The following DMD variants were observed in gnomAD, a reference collection of about 807,000 sequenced individuals.
DMD encodes the protein mutant dystrophin.
Under a neutral mutation model 330.1 loss-of-function variants are expected in DMD, and 63 were observed. The ratio of observed to expected loss-of-function variants is 0.19; its 90% CI spans 0.16 to 0.24. DMD has a LOEUF of 0.24. Among genes scored for constraint, DMD ranks in the 10% least tolerant of loss-of-function variants. The probability of loss-of-function intolerance (pLI) is 1.00; values close to 1 mark genes in which losing one functional copy is unlikely to be tolerated. For missense variants in DMD, 3,344 were observed against 2,684.1 expected, an observed-to-expected ratio of 1.25 and a Z score of -5.43; for synonymous variants, 1,223 against 959.8, an observed-to-expected ratio of 1.27 and a Z score of -5.07.
At chrX:31,797,169 G>C (rs766311378) in intron 50 of DMD, among the ~76,000 whole-genome samples, 1 of 111,972 alleles carries the variant, frequency 8.9e-6, no homozygotes, top group Non-Finnish European at 1.9e-5. Context: ...GTACAGGATA[G>C]GTGATGGCCA....
intron 9 of DMD, among the ~76,000 whole-genome samples, chrX:32,660,634 T>C (rs954948456): frequency 9.0e-6 from 1 of 111,527 alleles, no homozygotes. Flanking sequence ...TCTTTCTTAA[T>C]ATTGTTAATA....
At chrX:32,023,752 A>G (rs1048515652) in intron 44 of DMD, among the ~76,000 whole-genome samples, 2 of 112,013 alleles carry the variant, frequency 1.8e-5, no homozygotes, top group Non-Finnish European at 3.8e-5. Flanking sequence ...AATACTACAC[A>G]GCCATAAAAA....
At chrX:32,837,421 T>C (rs1047850415) in intron 4 of DMD, among the ~76,000 whole-genome samples, 1 of 111,398 alleles carries the variant, frequency 9.0e-6, no homozygotes, top group African/African-American at 3.3e-5. Flanking sequence ...ACAGCATTCT[T>C]TAGATACCTA....
chrX:31,724,734 T>C (rs1296273387), intron 52 of DMD, among the ~76,000 whole-genome samples: 1 of 112,151 alleles, frequency 8.9e-6, no homozygotes, highest in East Asian at 2.8e-4. Context: ...TTAATGAGCA[T>C]CTAATATGTG....
intron 44 of DMD, among the ~76,000 whole-genome samples, chrX:32,088,677 AGTGTGTGTGTGT>A (rs34596391): frequency 1.0e-5 from 1 of 97,400 alleles, no homozygotes; most frequent in African/African-American, 3.8e-5. Flanking sequence ...ATAGCTCTGA[AGTGTGTGTGTGT>A]GTGTGTGTGT....
chrX:32,834,114 G>T (rs769232685), intron 4 of DMD, among the ~76,000 whole-genome samples: 6 of 111,391 alleles, frequency 5.4e-5, no homozygotes, highest in Non-Finnish European at 1.1e-4. Context: ...AGATGATAAA[G>T]TGAGTCAAAG....
chrX:33,194,655 T>C (rs2050830192), intron 1 of DMD, among the ~76,000 whole-genome samples: 1 of 111,000 alleles, frequency 9.0e-6, no homozygotes, highest in African/African-American at 3.3e-5. Flanking sequence ...ACTATGGTCT[T>C]ATTAGTTTAC....
intron 1 of DMD, among the ~76,000 whole-genome samples, chrX:33,173,385 T>C (rs1024400987): frequency 1.8e-5 from 2 of 111,902 alleles, no homozygotes; most frequent in Non-Finnish European, 3.8e-5. Flanking sequence ...ATCAAAAGGG[T>C]AGTTGTTTGT....
intron 7 of DMD, among the ~76,000 whole-genome samples, chrX:32,713,463 A>G (rs1283137300): frequency 9.0e-6 from 1 of 111,421 alleles, no homozygotes; most frequent in South Asian, 3.7e-4. Flanking sequence ...ATAATGTAGT[A>G]TCTGAGTTCT....
intron 60 of DMD, among the ~76,000 whole-genome samples, chrX:31,413,330 T>C (rs1207512660): frequency 8.9e-6 from 1 of 112,606 alleles, no homozygotes; most frequent in Non-Finnish European, 1.9e-5. Flanking sequence ...CCTATATTTG[T>C]ACAAAAGACT....
chrX:32,581,980 A>G, intron 13 of DMD, among the ~76,000 whole-genome samples: 1 of 112,114 alleles, frequency 8.9e-6, no homozygotes, highest in Middle Eastern at 4.7e-3. Flanking sequence ...GGAAAAATAT[A>G]TGATAAAATT....
At chrX:31,178,542 G>A in intron 70 of DMD, 127 bp downstream of exon 70, 1 of 1,036,632 alleles carries the variant, frequency 9.6e-7, no homozygotes, top group Non-Finnish European at 1.2e-6. Context: ...TCTCTTTTCA[G>A]CTAATGTAAA....
intron 44 of DMD, among the ~76,000 whole-genome samples, chrX:32,210,351 A>C (rs1441657882): frequency 9.0e-6 from 1 of 111,669 alleles, no homozygotes; most frequent in Non-Finnish European, 1.9e-5. Context: ...GGAAATATAA[A>C]GGACAAGCAA....
At chrX:32,705,468 C>T (rs1177723490) in intron 7 of DMD, among the ~76,000 whole-genome samples, 1 of 111,870 alleles carries the variant, frequency 8.9e-6, no homozygotes, top group East Asian at 2.8e-4. Flanking sequence ...TTTCAACATG[C>T]TTATGGTGTA....
chrX:31,548,547 T>TTTTTC (rs1200635217), intron 55 of DMD, among the ~76,000 whole-genome samples: 19 of 108,698 alleles, frequency 1.7e-4, no homozygotes, highest in Non-Finnish European at 3.4e-4. Context: ...ATTATGTAGC[T>TTTTTC]TTTTCTTTTT....
intron 1 of DMD, chrX:33,041,341 C>A (rs1213447789): frequency 5.2e-6 from 6 of 1,151,610 alleles, no homozygotes; most frequent in Non-Finnish European, 7.0e-6. Flanking sequence ...TGCGCGTCGC[C>A]CTCCACGGTT....
chrX:32,710,093 C>T (rs1363192617), intron 7 of DMD, among the ~76,000 whole-genome samples: 2 of 111,071 alleles, frequency 1.8e-5, no homozygotes, highest in East Asian at 2.8e-4. Context: ...CAAAATTCTG[C>T]AAAAGAGATT....
At chrX:31,566,464 C>A (rs965981944) in intron 55 of DMD, among the ~76,000 whole-genome samples, 2 of 111,646 alleles carry the variant, frequency 1.8e-5, no homozygotes, top group Admixed American at 1.9e-4. Context: ...ATGAGTCTAT[C>A]CCTCCAGCAA....
At chrX:33,036,006 T>C (rs6631720) in intron 1 of DMD, among the ~76,000 whole-genome samples, 8,069 of 111,546 alleles carry the variant, frequency 0.072, 702 homozygotes, top group African/African-American at 0.25. Context: ...AAATTCAAGA[T>C]AAAGAAACAT....
Sources: gnomAD v4.1 joint callset for allele counts (sites outside exome capture counted in the v4.1 genomes callset) on GRCh38, gnomAD v4.1.1 for gene constraint, MANE v1.5 for transcripts, NCBI Gene and HGNC (gene_info 2026-07-23, HGNC 2026-07-21) for gene names.